The following CCDC85A variants were observed in gnomAD, a reference collection of about 807,000 sequenced individuals.
The protein encoded by CCDC85A is coiled-coil domain containing 85A.
CCDC85A carries 38 observed loss-of-function variants against 50.2 expected under a neutral mutation model. That is an observed-to-expected ratio of 0.76 (90% CI 0.58 to 0.99). The LOEUF is 0.99. Among genes scored for constraint, CCDC85A ranks in the 50% least tolerant of loss-of-function variants. The probability of loss-of-function intolerance (pLI) is 0.00; values close to 1 mark genes in which losing one functional copy is unlikely to be tolerated. For missense variants in CCDC85A, 820 were observed against 742.0 expected, an observed-to-expected ratio of 1.11 and a Z score of -1.22; for synonymous variants, 366 against 301.4, an observed-to-expected ratio of 1.21 and a Z score of -2.22.
In CCDC85A at chr2:56,332,145, C is replaced by T. The variant is rs546874547; in HGVS notation, c.1241-10734C>T. Among the ~76,000 whole-genome samples the T allele has an allele frequency of 5.2e-4, 79 of 152,262 alleles. 1 individual carries two copies. Among genetic ancestry groups the T allele is most frequent in the Middle Eastern group, 3.4e-3 (1 of 294 alleles). On this transcript the variant is annotated intron_variant, in intron 2 of 5. Coordinates refer to ENST00000407595, the MANE Select transcript of CCDC85A (RefSeq NM_001080433.2). The stretch of plus-strand genomic sequence containing the variant: ...GTGGGCATATGTAACCAAAAGAGAA[C>T]CTTATTAAGCAGATTTCTAGCTGAG...
At chr2:56,285,349 C>G (rs935010595) in intron 2 of CCDC85A, among the ~76,000 whole-genome samples, 13 of 150,744 alleles carry the variant, frequency 8.6e-5, no homozygotes, top group African/African-American at 2.9e-4. Context: ...AGTGATCCAC[C>G]TACCTTGGCC....
chr2:56,285,556 T>G (rs895908038), intron 2 of CCDC85A, among the ~76,000 whole-genome samples: 1 of 146,452 alleles, frequency 6.8e-6, no homozygotes, highest in Non-Finnish European at 1.5e-5. Context: ...TAATATAACA[T>G]AATATATAAT....
rs575404065 is a variant in CCDC85A at position 56,290,647 on chromosome 2, T to C, written c.1241-52232T>C. ...TTATGTAATCAAAACCCCTGGTCTA[T>C]AGATAATTGATTTTTAATTATCATT... is the stretch of plus-strand genomic sequence containing the variant. On this transcript the variant is annotated intron_variant, in intron 2 of 5. Coordinates refer to ENST00000407595, the MANE Select transcript of CCDC85A (RefSeq NM_001080433.2). Among the ~76,000 whole-genome samples the C allele has an allele frequency of 3.3e-5, 5 of 152,364 alleles. No individual in the cohort carries two copies. The South Asian group carries it at 8.3e-4, about 25-fold the overall frequency.
intron 2 of CCDC85A, among the ~76,000 whole-genome samples, chr2:56,204,073 C>T (rs748769578): frequency 2.6e-5 from 4 of 152,238 alleles, no homozygotes; most frequent in Admixed American, 6.5e-5. Flanking sequence ...TTTTCTGAGT[C>T]AGTAGTACCA....
At chr2:56,216,067 A>T (rs1449401061) in intron 2 of CCDC85A, among the ~76,000 whole-genome samples, 3 of 151,880 alleles carry the variant, frequency 2.0e-5, no homozygotes, top group Non-Finnish European at 2.9e-5. Flanking sequence ...TCAAAGCCTA[A>T]AATACTTATT....
chr2:56,359,454 T>G (rs1426620413), intron 3 of CCDC85A, among the ~76,000 whole-genome samples: 3 of 152,200 alleles, frequency 2.0e-5, no homozygotes, highest in Non-Finnish European at 4.4e-5. Flanking sequence ...TAGTGAGTGA[T>G]TGATTATATT....
At chr2:56,359,141 G>C (rs994052688) in intron 3 of CCDC85A, among the ~76,000 whole-genome samples, 1 of 151,982 alleles carries the variant, frequency 6.6e-6, no homozygotes. Context: ...CCTAATATTT[G>C]CTACTTATTT....
intron 3 of CCDC85A, among the ~76,000 whole-genome samples, chr2:56,359,740 G>A (rs547898585): frequency 1.8e-4 from 27 of 152,294 alleles, no homozygotes; most frequent in South Asian, 1.2e-3. Flanking sequence ...AAAAAAGTAC[G>A]AAGTAGGTGA....
chr2:56,186,161 G>C (rs1358381196), intron 1 of CCDC85A, among the ~76,000 whole-genome samples: 1 of 152,178 alleles, frequency 6.6e-6, no homozygotes, highest in Non-Finnish European at 1.5e-5. Context: ...AGTGGGTGCA[G>C]GTAGGAAGAT....
At chr2:56,320,822 G>A (rs1176333753) in intron 2 of CCDC85A, among the ~76,000 whole-genome samples, 1 of 152,068 alleles carries the variant, frequency 6.6e-6, no homozygotes, top group Non-Finnish European at 1.5e-5. Flanking sequence ...TCAAAGGCTG[G>A]CAGAGACACA....
At chr2:56,354,974 G>T (rs746862970) in intron 3 of CCDC85A, among the ~76,000 whole-genome samples, 1 of 152,176 alleles carries the variant, frequency 6.6e-6, no homozygotes, top group Non-Finnish European at 1.5e-5. Context: ...TCACAGAAAT[G>T]ATAACAGTGT....
At chr2:56,350,225 G>C (rs549179149) in intron 3 of CCDC85A, among the ~76,000 whole-genome samples, 94 of 150,036 alleles carry the variant, frequency 6.3e-4, no homozygotes, top group Non-Finnish European at 1.1e-3. Flanking sequence ...GGAGTGCAGT[G>C]GCACTACCTT....
chr2:56,342,558 A>G (rs2104322437), intron 2 of CCDC85A, among the ~76,000 whole-genome samples: 2 of 152,238 alleles, frequency 1.3e-5, no homozygotes, highest in South Asian at 4.1e-4. Flanking sequence ...TATTTTCCAT[A>G]CCTTTACTTG....
chr2:56,197,323 T>G (rs1481880166), intron 2 of CCDC85A, among the ~76,000 whole-genome samples: 1 of 142,986 alleles, frequency 7.0e-6, no homozygotes, highest in Non-Finnish European at 1.5e-5. Context: ...AGCATCCCCC[T>G]AGTTGTGGTA....
rs772446126 is a variant in CCDC85A at position 56,192,991 on chromosome 2, C to T, written c.791C>T (p.Ala264Val). 2 of 1,613,460 alleles carry T rather than the reference C, an allele frequency of 1.2e-6. No individual in the cohort carries two copies. The highest frequency in any genetic ancestry group is 2.2e-5 in the East Asian group (1 of 44,808). Residue 264 changes from alanine (A) to valine (V), a missense_variant, in exon 2 of 6, where the codon GCC (alanine) becomes GTC (valine). Ala to Val is a moderately conservative substitution (Grantham distance 64, BLOSUM62 0). Coordinates refer to ENST00000407595, the MANE Select transcript of CCDC85A (RefSeq NM_001080433.2). This position sits in a 1 kb window ranked among gnomAD's most constrained non-coding sequence, Gnocchi z 4.7. ...CCCGAGCATCCACAGAAACCCAGAG[C>T]CTGTGGAACCCCAGATCGCCCCAAA... Reference protein sequence around the residue: ...ASPEHPQKPRACGTPDRPKAL... With the variant: ...ASPEHPQKPRVCGTPDRPKAL...
chr2:56,193,883 T>C (rs1474695192), intron 2 of CCDC85A, among the ~76,000 whole-genome samples: 3 of 152,172 alleles, frequency 2.0e-5, no homozygotes, highest in African/African-American at 7.2e-5. Flanking sequence ...TACAAGAAGA[T>C]ATGAATATTT....
chr2:56,257,071 C>T (rs940588348), intron 2 of CCDC85A, among the ~76,000 whole-genome samples: 8 of 152,148 alleles, frequency 5.3e-5, no homozygotes, highest in African/African-American at 9.7e-5. Context: ...CTCCATGGCT[C>T]AGTGTATGAT....
chr2:56,222,418 C>A (rs1450431467), intron 2 of CCDC85A, among the ~76,000 whole-genome samples: 1 of 151,852 alleles, frequency 6.6e-6, no homozygotes. Flanking sequence ...TATCTTAGAC[C>A]AAAGACGTGG....
intron 2 of CCDC85A, among the ~76,000 whole-genome samples, chr2:56,281,061 A>G (rs560883859): frequency 3.3e-5 from 5 of 152,288 alleles, no homozygotes; most frequent in African/African-American, 4.8e-5. Flanking sequence ...GAACATTTCC[A>G]TCACCCCCAA....
Sources: gnomAD v4.1 joint callset for allele counts (sites outside exome capture counted in the v4.1 genomes callset) on GRCh38, gnomAD v4.1.1 for gene constraint, Gnocchi (gnomAD v3.1) non-coding constraint, MANE v1.5 for transcripts, NCBI Gene and HGNC (gene_info 2026-07-23, HGNC 2026-07-21) for gene names.